The following SLC43A1 variants were observed in gnomAD, a reference collection of about 807,000 sequenced individuals.
The protein encoded by SLC43A1 is large neutral amino acids transporter small subunit 3.
Under a neutral mutation model 59.5 loss-of-function variants are expected in SLC43A1, and 31 were observed. That is an observed-to-expected ratio of 0.52 (90% CI 0.39 to 0.70). SLC43A1 has a LOEUF of 0.70. Ranked by LOEUF, SLC43A1 falls within the 30% of genes least tolerant of loss-of-function variation. The pLI is 0.00. For synonymous variants in SLC43A1, 259 were observed against 290.9 expected, an observed-to-expected ratio of 0.89 and a Z score of 1.12; for missense variants, 598 against 717.8, an observed-to-expected ratio of 0.83 and a Z score of 1.91.
At chr11:57,488,116 T>C (rs766195854) in intron 13 of SLC43A1, among the ~76,000 whole-genome samples, 1 of 152,104 alleles carries the variant, frequency 6.6e-6, no homozygotes, top group East Asian at 1.9e-4. Flanking sequence ...GCAGCCCCTG[T>C]GTTAAAAATA....
intron 8 of SLC43A1, among the ~76,000 whole-genome samples, chr11:57,492,800 C>A (rs950818179): frequency 6.9e-6 from 1 of 144,078 alleles, no homozygotes; most frequent in African/African-American, 2.6e-5. Context: ...CCAAAACTTT[C>A]GGAGGCTGAG....
At chr11:57,496,193 GGA>G in intron 6 of SLC43A1, 29 bp from the exon 7 acceptor site, 1 of 1,612,184 alleles carries the variant, frequency 6.2e-7, no homozygotes. Context: ...GGCCCGTGGG[GGA>G]GACTGCCTGG....
intron 2 of SLC43A1, among the ~76,000 whole-genome samples, chr11:57,502,056 C>G (rs1487259966): frequency 6.6e-6 from 1 of 152,248 alleles, no homozygotes; most frequent in African/African-American, 2.4e-5. Context: ...CCTCCAGTCC[C>G]CTCTAGAAGT....
chr11:57,502,835 T>C (rs188825433), intron 2 of SLC43A1, among the ~76,000 whole-genome samples: 22 of 148,254 alleles, frequency 1.5e-4, no homozygotes, highest in Non-Finnish European at 2.4e-4. Context: ...GATCACACCA[T>C]TGCACTCCAG....
At position 57,491,615 on chromosome 11, in the gene SLC43A1, G is replaced by A. The variant is rs202180094; in HGVS notation, c.1030C>T (p.Gln344Ter). 2 of 1,614,152 alleles carry A rather than the reference G, an allele frequency of 1.2e-6. No homozygotes were observed. The highest frequency in any genetic ancestry group is 1.7e-5 in the Admixed American group (1 of 60,018). The change falls in exon 10 of 15, where the codon CAG (glutamine) becomes TAG (stop). Residue 344 changes from glutamine to a stop codon, truncating the protein, a stop_gained. Coordinates refer to ENST00000278426, the MANE Select transcript of SLC43A1 (RefSeq NM_003627.6). LOFTEE classifies it high-confidence loss of function. ...TGGQEHETNE[Q>*]QQKVAETVGF... ...CCTGTCTCTGCCACCTTTTGTTGCT[G>A]TTCATTTGTCTCTGTGGGTAGGGAA... is the stretch of plus-strand genomic sequence containing the variant.
rs1476630863 is a variant in SLC43A1 at position 57,485,148 on chromosome 11, G to A, written c.1628C>T (p.Ala543Val). ...CACCTTCAGTGGGCCCATCCCATTG[G>A]CGGCGTACTCCTGCTGGAGCCGGGC... is the stretch of plus-strand genomic sequence containing the variant. ...YRARLQQEYAANGMGPLKVLS... is the reference protein window; with the variant it reads ...YRARLQQEYAVNGMGPLKVLS... The change falls in exon 15 of 15, where the codon GCC becomes GTC. Residue 543 changes from alanine (A) to valine (V), a missense_variant. By Grantham distance (64) the Ala-to-Val change is moderately conservative. Transcript: ENST00000278426. The A allele has an allele frequency of 6.2e-7, 1 of 1,613,996 alleles. No individual in the cohort carries two copies. The highest frequency in any genetic ancestry group is 8.5e-7 in the Non-Finnish European group (1 of 1,180,038).
chr11:57,489,407 A>T lies in SLC43A1; in HGVS notation c.1194-15T>A, dbSNP rs781339086. The T allele has an allele frequency of 6.2e-7, 1 of 1,613,530 alleles. No individual in the cohort carries two copies. The highest frequency in any genetic ancestry group is 2.2e-5 in the East Asian group (1 of 44,876). On this transcript the variant is annotated splice_polypyrimidine_tract_variant and intron_variant, in intron 11 of 14. Coordinates refer to ENST00000278426, the MANE Select transcript of SLC43A1 (RefSeq NM_003627.6). ...CAACCCCGTCCCTGAGGAGTACGGG[A>T]AGTCACTGGCTGCTGCCTCTACGTT...
chr11:57,489,774 G>A (rs1943847895), intron 11 of SLC43A1, among the ~76,000 whole-genome samples: 1 of 152,238 alleles, frequency 6.6e-6, no homozygotes, highest in Non-Finnish European at 1.5e-5. Flanking sequence ...GAAGTGGGAA[G>A]CTCTCACACC....
In SLC43A1 at chr11:57,514,912, G is replaced by A. The variant is rs1944647823; in HGVS notation, c.-14+532C>T. On this transcript the variant is annotated intron_variant, in intron 1 of 14. Transcript: ENST00000278426. The surrounding 1 kb of genome is among the most constrained non-coding windows in gnomAD (Gnocchi z 5.5). ...TTATAAGGGCAGCGGTGGCGGATGG[G>A]CTGGCGGGCGGGTGTGTTTACCAAA... is the stretch of plus-strand genomic sequence containing the variant. The A allele has an allele frequency of 1.0e-6, 1 of 978,034 alleles. No individual in the cohort carries two copies. The highest frequency in any genetic ancestry group is 4.7e-5 in the South Asian group (1 of 21,150). The allele number at this position is 978,034 out of a possible 1,614,324, so 60.6% of individuals were successfully genotyped here.
chr11:57,491,765 A>G lies in SLC43A1; in HGVS notation c.969T>C (p.Ala323=). Residue 323 remains alanine (A), a synonymous_variant, in exon 9 of 15, where the codon GCT becomes GCC. Transcript: ENST00000278426. ...MTQLRIIFYM[A]AVNKMLEYLV... ...GGTACTCCAGCATCTTGTTCACAGCAGCCATGTAGAAGATGATCCGCAGCT... is the reference window on the plus strand; with the variant it reads ...GGTACTCCAGCATCTTGTTCACAGCGGCCATGTAGAAGATGATCCGCAGCT... The G allele has an allele frequency of 1.2e-6, 2 of 1,614,208 alleles. No individual in the cohort carries two copies. Among genetic ancestry groups the G allele is most frequent in the Non-Finnish European group, 1.7e-6 (2 of 1,180,026 alleles).
At chr11:57,505,282 C>A (rs764642350) in intron 2 of SLC43A1, among the ~76,000 whole-genome samples, 10 of 152,210 alleles carry the variant, frequency 6.6e-5, no homozygotes, top group South Asian at 4.1e-4. Flanking sequence ...GAAGCCAAAG[C>A]AGGTGGATCA....
chr11:57,491,265 G>A lies in SLC43A1; in HGVS notation c.1152C>T (p.Cys384=), dbSNP rs774314319. Residue 384 remains cysteine, a synonymous_variant, in exon 11 of 15, where the codon TGC becomes TGT. Coordinates refer to ENST00000278426, the MANE Select transcript of SLC43A1 (RefSeq NM_003627.6). ...CAGTGCCCTGAGTTGGGGCGTCCAC[G>A]CAGTCCTTGATCCGCCAGTCCATGA... ...GYIMDWRIKD[C]VDAPTQGTVL... is the part of the protein sequence containing the mutation. 13 of 1,608,474 alleles carry A rather than the reference G, an allele frequency of 8.1e-6. No individual in the cohort carries two copies. Among genetic ancestry groups the A allele is most frequent in the African/African-American group, 4.0e-5 (3 of 74,774 alleles).
chr11:57,491,253 T>C lies in SLC43A1; in HGVS notation c.1164A>G (p.Pro388=). ...DWRIKDCVDA[P]TQGTVLGDAR... ...CATCTCCGAGGACAGTGCCCTGAGT[T>C]GGGGCGTCCACGCAGTCCTTGATCC... The change falls in exon 11 of 15, where the codon CCA becomes CCG. Residue 388 remains proline (P), a synonymous_variant. Coordinates refer to ENST00000278426, the MANE Select transcript of SLC43A1 (RefSeq NM_003627.6). The C allele has an allele frequency of 1.2e-6, 2 of 1,603,514 alleles. No individual in the cohort carries two copies. Among genetic ancestry groups the C allele is most frequent in the Non-Finnish European group, 1.7e-6 (2 of 1,173,674 alleles).
intron 2 of SLC43A1, among the ~76,000 whole-genome samples, chr11:57,508,549 G>A (rs181410300): frequency 6.6e-6 from 1 of 152,294 alleles, no homozygotes; most frequent in East Asian, 1.9e-4. Context: ...AAGGATTTTG[G>A]CTGGAGTCCC....
At position 57,493,045 on chromosome 11, in the gene SLC43A1, G is replaced by A. The variant is rs569971618; in HGVS notation, c.871+948C>T. Among the ~76,000 whole-genome samples the A allele has an allele frequency of 1.4e-4, 21 of 151,966 alleles. 1 individual carries two copies. Among genetic ancestry groups the A allele is most frequent in the South Asian group, 1.2e-3 (6 of 4,806 alleles). On this transcript the variant is annotated intron_variant, in intron 8 of 14. Transcript: ENST00000278426. ...ACAGAGTAAGGCTCCATCTCGGGGC[G>A]GGGGGGAAAGAAACAAAAGAAAAAA...
intron 2 of SLC43A1, among the ~76,000 whole-genome samples, chr11:57,505,632 G>A (rs902133324): frequency 5.9e-5 from 9 of 152,074 alleles, no homozygotes; most frequent in Non-Finnish European, 1.2e-4. Context: ...CAGCAAACCC[G>A]ATATTCCAAG....
chr11:57,502,273 A>T (rs1481169787), intron 2 of SLC43A1, among the ~76,000 whole-genome samples: 1 of 152,262 alleles, frequency 6.6e-6, no homozygotes, highest in African/African-American at 2.4e-5. Flanking sequence ...AGGCAGACAG[A>T]CCAGGGTCTG....
chr11:57,490,152 A>C (rs895922805), intron 11 of SLC43A1, among the ~76,000 whole-genome samples: 8 of 152,252 alleles, frequency 5.3e-5, no homozygotes, highest in African/African-American at 1.9e-4. Flanking sequence ...AAAGAGCAAA[A>C]GCAGTCACAG....
chr11:57,514,905 C>T lies in SLC43A1; in HGVS notation c.-14+539G>A. On this transcript the variant is annotated intron_variant, in intron 1 of 14. Coordinates refer to ENST00000278426, the MANE Select transcript of SLC43A1 (RefSeq NM_003627.6). This position sits in a 1 kb window ranked among gnomAD's most constrained non-coding sequence, Gnocchi z 5.5. The stretch of plus-strand genomic sequence containing the variant: ...GCTGACTTTATAAGGGCAGCGGTGG[C>T]GGATGGGCTGGCGGGCGGGTGTGTT... 1 of 981,008 alleles carries T rather than the reference C, an allele frequency of 1.0e-6. No individual in the cohort carries two copies. The highest frequency in any genetic ancestry group is 1.2e-6 in the Non-Finnish European group (1 of 826,056). 60.8% of individuals were successfully genotyped at this position (981,008 alleles called of 1,614,324 possible).
Sources: allele counts gnomAD v4.1 joint callset (sites outside exome capture counted in the v4.1 genomes callset), GRCh38; gene constraint gnomAD v4.1.1; non-coding constraint Gnocchi (gnomAD v3.1); transcripts MANE v1.5; gene names NCBI Gene and HGNC (gene_info 2026-07-23, HGNC 2026-07-21).